The following XPO7 variants were observed in gnomAD, a reference collection of about 807,000 sequenced individuals.
The protein encoded by XPO7 is exportin 7.
XPO7 carries 21 observed loss-of-function variants against 144.3 expected under a neutral mutation model. That is an observed-to-expected ratio of 0.15 (90% CI 0.10 to 0.21). The LOEUF is 0.21. Among genes scored for constraint, XPO7 ranks in the 10% least tolerant of loss-of-function variants. The pLI is 1.00. For missense variants in XPO7, 808 were observed against 1,325.8 expected (o/e 0.61, Z 6.06); for synonymous variants, 580 against 499.6 (o/e 1.16, Z -2.15).
intron 1 of XPO7, among the ~76,000 whole-genome samples, chr8:21,961,074 T>C (rs1395831276): frequency 6.6e-6 from 1 of 152,100 alleles, no homozygotes; most frequent in Non-Finnish European, 1.5e-5. Context: ...AAATGAAACA[T>C]CCATACTGCT....
chr8:21,998,714 A>T, intron 21 of XPO7, 41 bp from the exon 22 acceptor site: 1 of 1,592,370 alleles, frequency 6.3e-7, no homozygotes, highest in Non-Finnish European at 8.6e-7. Flanking sequence ...TCTTCCAAGA[A>T]AACACCTCTG....
chr8:21,989,066 C>T lies in XPO7; in HGVS notation c.1851C>T (p.Leu617=), dbSNP rs1277241304. 2 of 1,613,786 alleles carry T rather than the reference C, an allele frequency of 1.2e-6. No homozygotes were observed. Among genetic ancestry groups the T allele is most frequent in the Middle Eastern group, 1.6e-4 (1 of 6,062 alleles). The change falls in exon 16 of 28, where the codon CTC becomes CTT. Residue 617 remains leucine (L), a synonymous_variant. Transcript: ENST00000252512. ...EPITSKTLQL[L]NDLSIGYSSV... ...TCACCTCCAAGACACTACAGCTTCT[C>T]AATGACCTGTCCATTGGATATCCTT... is the stretch of plus-strand genomic sequence containing the variant.
intron 1 of XPO7, among the ~76,000 whole-genome samples, chr8:21,962,188 C>T (rs1298233866): frequency 2.0e-5 from 3 of 152,020 alleles, no homozygotes; most frequent in African/African-American, 7.2e-5. Context: ...GCGAGTTTGC[C>T]CTGTGAACTC....
intron 1 of XPO7, among the ~76,000 whole-genome samples, chr8:21,946,582 A>AAC (rs1554512858): frequency 9.8e-6 from 1 of 101,996 alleles, no homozygotes; most frequent in Non-Finnish European, 2.0e-5. Flanking sequence ...CTGAAAAAAA[A>AAC]AAACAAAAAA....
At chr8:21,925,210 G>T (rs897224880) in intron 1 of XPO7, among the ~76,000 whole-genome samples, 2 of 152,126 alleles carry the variant, frequency 1.3e-5, no homozygotes, top group African/African-American at 4.8e-5. Flanking sequence ...CAAAATCTTG[G>T]GGGAGGGAGA....
chr8:21,953,010 C>T (rs923887071), intron 1 of XPO7, among the ~76,000 whole-genome samples: 5 of 151,898 alleles, frequency 3.3e-5, no homozygotes, highest in South Asian at 2.1e-4. Flanking sequence ...CCCTGTTATC[C>T]GCCCCTCCCC....
chr8:21,950,956 T>G (rs767773457), intron 1 of XPO7, among the ~76,000 whole-genome samples: 1 of 150,712 alleles, frequency 6.6e-6, no homozygotes, highest in Non-Finnish European at 1.5e-5. Context: ...ACCTCGACTC[T>G]ACAAAAAATA....
intron 1 of XPO7, among the ~76,000 whole-genome samples, chr8:21,951,428 T>A (rs1010232182): frequency 9.8e-5 from 15 of 152,336 alleles, no homozygotes; most frequent in African/African-American, 3.4e-4. Context: ...TATTATAATA[T>A]GTTTAATCAA....
intron 1 of XPO7, among the ~76,000 whole-genome samples, chr8:21,946,342 A>G (rs1001011968): frequency 2.6e-5 from 4 of 152,218 alleles, no homozygotes; most frequent in Admixed American, 2.0e-4. Context: ...AACAAGGCAT[A>G]CTTGAAAAAT....
intron 1 of XPO7, among the ~76,000 whole-genome samples, chr8:21,941,799 C>T (rs1811002247): frequency 6.6e-6 from 1 of 152,200 alleles, no homozygotes; most frequent in South Asian, 2.1e-4. Context: ...CCTCAGCCTT[C>T]CAAGTACTAG....
intron 1 of XPO7, among the ~76,000 whole-genome samples, chr8:21,946,022 C>T (rs1811178643): frequency 6.6e-6 from 1 of 152,124 alleles, no homozygotes; most frequent in South Asian, 2.1e-4. Context: ...GTTAGCTCCC[C>T]ATAGCCACTA....
intron 1 of XPO7, among the ~76,000 whole-genome samples, chr8:21,955,478 A>G (rs1811505875): frequency 6.6e-6 from 1 of 152,226 alleles, no homozygotes; most frequent in South Asian, 2.1e-4. Flanking sequence ...ATTCTCATCC[A>G]GGTATTCTGT....
chr8:22,003,349 G>C (rs1016202889), intron 26 of XPO7, 32 bp downstream of exon 26: 8 of 1,557,852 alleles, frequency 5.1e-6, no homozygotes, highest in Non-Finnish European at 7.0e-6. Flanking sequence ...TGCCAACCCA[G>C]AAGCAGTGGC....
intron 1 of XPO7, among the ~76,000 whole-genome samples, chr8:21,931,343 A>G: frequency 6.6e-6 from 1 of 151,754 alleles, no homozygotes; most frequent in Non-Finnish European, 1.5e-5. Context: ...TTGTCTTTTT[A>G]GTGGAGGTGG....
At chr8:21,940,801 C>T (rs1205699913) in intron 1 of XPO7, among the ~76,000 whole-genome samples, 1 of 152,054 alleles carries the variant, frequency 6.6e-6, no homozygotes, top group Non-Finnish European at 1.5e-5. Context: ...CCTGTATAGT[C>T]TTGCCAAAAA....
intron 4 of XPO7, among the ~76,000 whole-genome samples, chr8:21,970,908 T>C (rs1403328035): frequency 6.6e-6 from 1 of 152,216 alleles, no homozygotes; most frequent in Non-Finnish European, 1.5e-5. Context: ...TTATAAAGTC[T>C]GTAGTGGTGT....
chr8:21,924,103 T>C (rs1467070255), intron 1 of XPO7, among the ~76,000 whole-genome samples: 1 of 152,152 alleles, frequency 6.6e-6, no homozygotes, highest in South Asian at 2.1e-4. Flanking sequence ...GAATTTTCTT[T>C]AGGTTTACAC....
In XPO7 at chr8:21,995,495, T is replaced by C. The variant is rs551677211; in HGVS notation, c.2241T>C (p.Tyr747=). 3.5e-5 allele frequency: 56 copies of C among 1,604,634 alleles called. No individual in the cohort carries two copies. In the South Asian group the frequency reaches 3.8e-4, roughly 11 times the overall value. ...TSFMMLFEWI[Y]PSYMPILQRA... ...TTCCTTAGCTTCTCATTTACAGATA[T>C]CCATCCTATATGCCAATTCTCCAAC... Residue 747 remains tyrosine, a synonymous_variant, in exon 21 of 28, where the codon TAT becomes TAC. Transcript: ENST00000252512.
chr8:22,003,839 T>A, intron 26 of XPO7, 64 bp from the exon 27 acceptor site: 1 of 1,605,480 alleles, frequency 6.2e-7, no homozygotes, highest in South Asian at 1.1e-5. Flanking sequence ...ACCCTGCAGA[T>A]GACGGAGGGC....
Sources: allele counts gnomAD v4.1 joint callset (sites outside exome capture counted in the v4.1 genomes callset), GRCh38; gene constraint gnomAD v4.1.1; transcripts MANE v1.5; gene names NCBI Gene and HGNC (gene_info 2026-07-23, HGNC 2026-07-21).